The following SLC22A2 variants were observed in gnomAD, a reference collection of about 807,000 sequenced individuals.
The protein encoded by SLC22A2 is solute carrier family 22 member 2.
A neutral mutation model predicts 60.5 loss-of-function variants in SLC22A2; 46 were observed. The ratio of observed to expected loss-of-function variants is 0.76; its 90% CI spans 0.60 to 0.97. SLC22A2 has a LOEUF of 0.97. Among genes scored for constraint, SLC22A2 ranks in the 50% least tolerant of loss-of-function variants. The pLI, the probability that SLC22A2 is intolerant of heterozygous loss-of-function variation, is 0.00. For missense variants in SLC22A2, 701 were observed against 706.6 expected (o/e 0.99, Z 0.09); for synonymous variants, 303 against 267.0 (o/e 1.13, Z -1.31).
chr6:160,242,963 G>A (rs1038635864), intron 7 of SLC22A2, among the ~76,000 whole-genome samples: 6 of 152,062 alleles, frequency 3.9e-5, no homozygotes, highest in Non-Finnish European at 8.8e-5. Flanking sequence ...TAATGACAAC[G>A]GAGTTATACC....
chr6:160,237,730 C>T (rs373201687), intron 9 of SLC22A2, among the ~76,000 whole-genome samples: 1 of 152,188 alleles, frequency 6.6e-6, no homozygotes, highest in Admixed American at 6.5e-5. Context: ...AAGGCTGAGA[C>T]TTACAGGGCT....
chr6:160,256,784 T>G, intron 1 of SLC22A2, 67 bp from the exon 2 acceptor site: 1 of 1,033,770 alleles, frequency 9.7e-7, no homozygotes. Flanking sequence ...AGAATCCTGT[T>G]GGACATAACT....
intron 6 of SLC22A2, 58 bp from the exon 7 acceptor site, chr6:160,243,844 G>T: frequency 8.1e-7 from 1 of 1,235,930 alleles, no homozygotes; most frequent in South Asian, 1.2e-5. Context: ...CACCAAAAAA[G>T]AGAGGCTTCT....
intron 3 of SLC22A2, among the ~76,000 whole-genome samples, chr6:160,250,147 T>A (rs1783159285): frequency 6.6e-6 from 1 of 152,204 alleles, no homozygotes; most frequent in African/African-American, 2.4e-5. Context: ...AAGTTGAGGA[T>A]AATTGTAGTT....
Position 160,258,621 on chromosome 6 carries a change from G to T in SLC22A2, c.137C>A (p.Thr46Asn), listed in dbSNP as rs755389619. ...IYVGIVFLGF[T>N]PDHRCRSPGV... ...GGGGCTCCGGCAGCGGTGGTCAGGG[G>T]TGAAGCCCAGGAAGACGATGCCCAC... is the stretch of plus-strand genomic sequence containing the variant. The change falls in exon 1 of 11, where the codon ACC (threonine) becomes AAC (asparagine). Residue 46 changes from threonine to asparagine, a missense_variant. By Grantham distance (65) the Thr-to-Asn change is moderately conservative (BLOSUM62 0). Transcript: ENST00000366953. The T allele has an allele frequency of 1.9e-6, 3 of 1,613,982 alleles. No individual in the cohort carries two copies. Among genetic ancestry groups the T allele is most frequent in the Non-Finnish European group, 1.7e-6 (2 of 1,179,948 alleles).
intron 9 of SLC22A2, among the ~76,000 whole-genome samples, chr6:160,236,619 C>T (rs1404012582): frequency 6.7e-6 from 1 of 149,792 alleles, no homozygotes; most frequent in Non-Finnish European, 1.5e-5. Context: ...AAGGCTTTGA[C>T]TGGAATGTTG....
At chr6:160,227,577 C>T (rs564400684) in intron 9 of SLC22A2, among the ~76,000 whole-genome samples, 47 of 152,324 alleles carry the variant, frequency 3.1e-4, no homozygotes, top group African/African-American at 1.1e-3. Context: ...GCAAGTCACT[C>T]ATATTTGGTC....
chr6:160,235,047 G>A (rs1782888561), intron 9 of SLC22A2, among the ~76,000 whole-genome samples: 1 of 152,180 alleles, frequency 6.6e-6, no homozygotes. Context: ...AAGTCAGTTT[G>A]TTCAAGCTCT....
At chr6:160,224,291 A>ATTTTT (rs10666190) in intron 10 of SLC22A2, among the ~76,000 whole-genome samples, 1 of 148,404 alleles carries the variant, frequency 6.7e-6, no homozygotes, top group Non-Finnish European at 1.5e-5. Context: ...CAAATCTGTT[A>ATTTTT]TTTTTTTTTT....
chr6:160,235,602 T>C (rs1469429116), intron 9 of SLC22A2, among the ~76,000 whole-genome samples: 1 of 110,158 alleles, frequency 9.1e-6, no homozygotes, highest in African/African-American at 3.3e-5. Context: ...AAATTCTGTG[T>C]GTGAATATAT....
At chr6:160,242,904 C>T (rs1251601319) in intron 7 of SLC22A2, among the ~76,000 whole-genome samples, 1 of 152,198 alleles carries the variant, frequency 6.6e-6, no homozygotes, top group Non-Finnish European at 1.5e-5. Flanking sequence ...GGAATAATTT[C>T]ACTGCCCTAA....
At chr6:160,234,269 C>T (rs879887064) in intron 9 of SLC22A2, among the ~76,000 whole-genome samples, 1 of 152,200 alleles carries the variant, frequency 6.6e-6, no homozygotes, top group South Asian at 2.1e-4. Flanking sequence ...AAATAAACAG[C>T]CTTGTTACTC....
chr6:160,235,140 C>T (rs1402351486), intron 9 of SLC22A2, among the ~76,000 whole-genome samples: 1 of 152,112 alleles, frequency 6.6e-6, no homozygotes, highest in African/African-American at 2.4e-5. Context: ...TCATAAAGCC[C>T]AAGGAATTAA....
intron 9 of SLC22A2, 71 bp downstream of exon 9, chr6:160,241,403 G>A (rs1782998000): frequency 1.1e-6 from 1 of 925,862 alleles, no homozygotes. Flanking sequence ...TGTTTTGAAT[G>A]AAGTAGAAGA....
chr6:160,219,559 G>A (rs1782611680), intron 10 of SLC22A2, among the ~76,000 whole-genome samples: 1 of 151,390 alleles, frequency 6.6e-6, no homozygotes, highest in African/African-American at 2.4e-5. Context: ...GTCACTGATT[G>A]GCTGTGTGGT....
chr6:160,236,824 T>C (rs762668415), intron 9 of SLC22A2, among the ~76,000 whole-genome samples: 1 of 99,968 alleles, frequency 1.0e-5, no homozygotes, highest in African/African-American at 2.8e-5. Flanking sequence ...ACTCAACTTA[T>C]TGGTATTAGA....
intron 10 of SLC22A2, among the ~76,000 whole-genome samples, chr6:160,220,886 G>GC: frequency 6.6e-6 from 1 of 152,314 alleles, no homozygotes; most frequent in South Asian, 2.1e-4. Flanking sequence ...CACAGGCTTT[G>GC]CTATTCCATG....
rs183364548 is a variant in SLC22A2 at position 160,245,036 on chromosome 6, A to G, written c.1064+403T>C. 1.8e-3 allele frequency: 272 copies of G among 152,620 alleles called. 1 individual carries two copies. The highest frequency in any genetic ancestry group is 6.3e-3 in the African/African-American group (260 of 41,336). 9.5% of individuals were successfully genotyped at this position (152,620 alleles called of 1,614,324 possible). Reference sequence around the variant, plus strand: ...TTTTTTGCCAGTTCTGTACTACAATAGAGATCTACATGCATCATCAATTAA... The same window carrying G: ...TTTTTTGCCAGTTCTGTACTACAATGGAGATCTACATGCATCATCAATTAA... On this transcript the variant is annotated intron_variant, in intron 6 of 10. Coordinates refer to ENST00000366953, the MANE Select transcript of SLC22A2 (RefSeq NM_003058.4).
intron 10 of SLC22A2, among the ~76,000 whole-genome samples, chr6:160,218,464 G>A (rs1250223362): frequency 3.7e-5 from 1 of 26,798 alleles, no homozygotes; most frequent in Non-Finnish European, 7.4e-5. Context: ...AAGCATCAGT[G>A]ACAACAGCAG....
Sources: gnomAD v4.1 joint callset for allele counts (sites outside exome capture counted in the v4.1 genomes callset) on GRCh38, gnomAD v4.1.1 for gene constraint, MANE v1.5 for transcripts, NCBI Gene and HGNC (gene_info 2026-07-23, HGNC 2026-07-21) for gene names.